MAPKAPK2: variants seen among roughly 807,000 people sequenced by gnomAD.
MAPKAPK2 encodes the protein MAPK activated protein kinase 2, also known as MAP kinase-activated protein kinase 2.
Under a neutral mutation model 48.8 loss-of-function variants are expected in MAPKAPK2, and 9 were observed. The observed-to-expected ratio is 0.18, with a 90% CI of 0.11 to 0.32. The LOEUF (loss-of-function observed/expected upper bound fraction) is 0.32. Among genes scored for constraint, MAPKAPK2 ranks in the 10% least tolerant of loss-of-function variants. The pLI is 1.00. For missense variants in MAPKAPK2, 331 were observed against 498.3 expected (o/e 0.66, Z 3.20); for synonymous variants, 202 against 190.6 (o/e 1.06, Z -0.49).
At position 206,731,128 on chromosome 1, in the gene MAPKAPK2, G is replaced by A. The variant is rs1553432582; in HGVS notation, c.768-10G>A. 2 of 1,614,138 alleles carry A rather than the reference G, an allele frequency of 1.2e-6. No individual in the cohort carries two copies. Among genetic ancestry groups the A allele is most frequent in the East Asian group, 4.5e-5 (2 of 44,878 alleles). On this transcript the variant is annotated splice_polypyrimidine_tract_variant and intron_variant, in intron 6 of 9. Transcript: ENST00000367103. This position sits in a 1 kb window ranked among gnomAD's most constrained non-coding sequence, Gnocchi z 5.9. Reference sequence around the variant, plus strand: ...TTCTGTCTCCCACTTCCTTCCTCCTGTTGATGCAGGCTGTGTGGGTATCCC... The same window carrying A: ...TTCTGTCTCCCACTTCCTTCCTCCTATTGATGCAGGCTGTGTGGGTATCCC...
intron 1 of MAPKAPK2, among the ~76,000 whole-genome samples, chr1:206,723,557 C>A (rs1350881602): frequency 6.6e-6 from 1 of 152,190 alleles, no homozygotes; most frequent in Admixed American, 6.5e-5. Flanking sequence ...GGGGCCTGCT[C>A]CTTCCCAGTC....
intron 1 of MAPKAPK2, among the ~76,000 whole-genome samples, chr1:206,727,986 CA>C (rs1252548471): frequency 6.6e-6 from 1 of 150,890 alleles, no homozygotes; most frequent in East Asian, 2.0e-4. Flanking sequence ...CAGTCACTAG[CA>C]AAGGGACTGG....
chr1:206,699,958 TTCTC>T (rs59368306), intron 1 of MAPKAPK2, among the ~76,000 whole-genome samples: 6 of 150,226 alleles, frequency 4.0e-5, no homozygotes, highest in Non-Finnish European at 5.9e-5. Context: ...TTTCGTTTCT[TTCTC>T]TCTCTCTCTC....
rs1161134610 is a variant in MAPKAPK2, at chr1:206,731,398, G to A, written c.892+136G>A. The A allele has an allele frequency of 3.8e-5, 56 of 1,472,158 alleles. No homozygotes were observed. Among genetic ancestry groups the A allele is most frequent in the African/African-American group, 9.8e-5 (7 of 71,638 alleles). The allele number at this position is 1,472,158 out of a possible 1,614,324, so 91.2% of individuals were successfully genotyped here. ...ACTGTGGGTTAGCACCTATGCCCAC[G>A]CCTGCGGGGTGCGTCCTGCTTCATT... On this transcript the variant is annotated intron_variant, in intron 7 of 9. Transcript: ENST00000367103. This position sits in a 1 kb window ranked among gnomAD's most constrained non-coding sequence, Gnocchi z 5.9.
intron 1 of MAPKAPK2, among the ~76,000 whole-genome samples, chr1:206,707,195 G>A (rs1483540821): frequency 1.3e-5 from 2 of 152,070 alleles, no homozygotes; most frequent in Non-Finnish European, 2.9e-5. Context: ...TCCCCTAGGT[G>A]ATGACCACAG....
At chr1:206,707,546 C>T (rs1385024030) in intron 1 of MAPKAPK2, among the ~76,000 whole-genome samples, 3 of 152,146 alleles carry the variant, frequency 2.0e-5, no homozygotes, top group Non-Finnish European at 2.9e-5. Context: ...TCCACATGGT[C>T]TGCCCTGGGC....
chr1:206,717,405 A>G (rs560744810), intron 1 of MAPKAPK2, among the ~76,000 whole-genome samples: 1 of 152,324 alleles, frequency 6.6e-6, no homozygotes, highest in South Asian at 2.1e-4. Flanking sequence ...TTGCTGGAAG[A>G]AACAGAAGAA....
intron 1 of MAPKAPK2, among the ~76,000 whole-genome samples, chr1:206,694,906 A>G (rs1200229255): frequency 3.3e-5 from 5 of 152,156 alleles, no homozygotes; most frequent in Non-Finnish European, 5.9e-5. Flanking sequence ...ATATGTAGTA[A>G]CCTGCCCTGG....
intron 1 of MAPKAPK2, among the ~76,000 whole-genome samples, chr1:206,707,530 G>A (rs1673001683): frequency 2.0e-5 from 3 of 152,124 alleles, no homozygotes; most frequent in Admixed American, 2.0e-4. Context: ...GCACTTTTCT[G>A]GGGAATCCAC....
intron 1 of MAPKAPK2, among the ~76,000 whole-genome samples, chr1:206,702,441 G>A (rs1672826005): frequency 6.6e-6 from 1 of 152,214 alleles, no homozygotes; most frequent in African/African-American, 2.4e-5. Flanking sequence ...AGGCCTTGCT[G>A]AGAGCCAGAG....
At chr1:206,691,761 G>A (rs1672468205) in intron 1 of MAPKAPK2, among the ~76,000 whole-genome samples, 1 of 152,026 alleles carries the variant, frequency 6.6e-6, no homozygotes, top group Non-Finnish European at 1.5e-5. Context: ...TGGAGGGCAG[G>A]CAGGATAGCT....
chr1:206,714,655 C>T (rs1673268340), intron 1 of MAPKAPK2, among the ~76,000 whole-genome samples: 1 of 150,214 alleles, frequency 6.7e-6, no homozygotes. Context: ...ATCCCAGCCA[C>T]TCGGGAGGCT....
chr1:206,729,717 A>C (rs1270432771), intron 4 of MAPKAPK2, among the ~76,000 whole-genome samples: 2 of 150,662 alleles, frequency 1.3e-5, no homozygotes, highest in Non-Finnish European at 3.0e-5. Context: ...CCTCAGTCAC[A>C]CTCTTGGTTT....
chr1:206,726,510 C>A (rs57613862), intron 1 of MAPKAPK2, among the ~76,000 whole-genome samples: 1 of 152,208 alleles, frequency 6.6e-6, no homozygotes, highest in South Asian at 2.1e-4. Context: ...CTATTGGCTC[C>A]GGCCACCTGT....
intron 1 of MAPKAPK2, among the ~76,000 whole-genome samples, chr1:206,717,178 C>T (rs1431009339): frequency 6.6e-6 from 1 of 152,218 alleles, no homozygotes; most frequent in Non-Finnish European, 1.5e-5. Context: ...GGGTCTGAGT[C>T]CTGGCTTTAT....
In MAPKAPK2 at chr1:206,705,033, G is replaced by A. The variant is rs182827278; in HGVS notation, c.279+19525G>A. On this transcript the variant is annotated intron_variant, in intron 1 of 9. Coordinates refer to ENST00000367103, the MANE Select transcript of MAPKAPK2 (RefSeq NM_032960.4). The stretch of plus-strand genomic sequence containing the variant: ...TCTGTTTAACTTTGTTTAACCTGGT[G>A]CTTCTGCCATCTATATGACCCCTTT... 1.1e-3 allele frequency among the ~76,000 whole-genome samples: 174 copies of A among 152,308 alleles called. 1 individual carries two copies. Among genetic ancestry groups the A allele is most frequent in the African/African-American group, 4.1e-3 (170 of 41,554 alleles).
At position 206,731,675 on chromosome 1, in the gene MAPKAPK2, C is replaced by G; in HGVS notation, c.928C>G (p.Pro310Ala). ...CATTCGGAATCTGCTGAAAACAGAG[C>G]CCACCCAGAGAATGACCATCACCGA... ...MLIRNLLKTE[P>A]TQRMTITEFM... The change falls in exon 8 of 10, where the codon CCC becomes GCC. Residue 310 changes from proline to alanine, a missense_variant. This residue lies in a region of MAPKAPK2 where 124 missense variants were observed against 194.6 expected (regional missense o/e 0.64). Coordinates refer to ENST00000367103, the MANE Select transcript of MAPKAPK2 (RefSeq NM_032960.4). The surrounding 1 kb of genome is among the most constrained non-coding windows in gnomAD (Gnocchi z 5.9). The G allele has an allele frequency of 6.2e-7, 1 of 1,614,100 alleles. No homozygotes were observed. Among genetic ancestry groups the G allele is most frequent in the Non-Finnish European group, 8.5e-7 (1 of 1,179,972 alleles).
At chr1:206,717,060 G>A (rs372897498) in intron 1 of MAPKAPK2, among the ~76,000 whole-genome samples, 21 of 152,324 alleles carry the variant, frequency 1.4e-4, no homozygotes, top group African/African-American at 5.1e-4. Flanking sequence ...GAGCAAAGAC[G>A]AGTCACTTAG....
At chr1:206,697,254 A>G (rs1443083597) in intron 1 of MAPKAPK2, among the ~76,000 whole-genome samples, 1 of 152,230 alleles carries the variant, frequency 6.6e-6, no homozygotes, top group East Asian at 1.9e-4. Context: ...CGGCACAGAC[A>G]CACAGATGCA....
Sources: allele counts gnomAD v4.1 joint callset (sites outside exome capture counted in the v4.1 genomes callset), GRCh38; gene constraint gnomAD v4.1.1; regional missense constraint gnomAD v4.1.1; non-coding constraint Gnocchi (gnomAD v3.1); transcripts MANE v1.5; gene names NCBI Gene and HGNC (gene_info 2026-07-23, HGNC 2026-07-21).